SHANK2: variants seen among roughly 807,000 people sequenced by gnomAD.
SHANK2 encodes SH3 and multiple ankyrin repeat domains 2, also known as SH3 and multiple ankyrin repeat domains protein 2.
A neutral mutation model predicts 133.7 loss-of-function variants in SHANK2; 43 were observed. That is an observed-to-expected ratio of 0.32 (90% CI 0.25 to 0.41). SHANK2 has a LOEUF of 0.41. Ranked by LOEUF, SHANK2 falls within the 10% of genes least tolerant of loss-of-function variation. SHANK2 has a pLI of 1.00. For missense variants in SHANK2, 1,994 were observed against 2,235.8 expected (o/e 0.89, Z 2.18); for synonymous variants, 1,017 against 952.8 (o/e 1.07, Z -1.24).
chr11:70,637,334 G>A (rs1555004651), intron 17 of SHANK2, among the ~76,000 whole-genome samples: 1 of 152,144 alleles, frequency 6.6e-6, no homozygotes, highest in East Asian at 1.9e-4. Context: ...GCTGAGTACG[G>A]ACTCAGTGTG....
chr11:71,157,609 G>A (rs7123898), intron 2 of SHANK2, among the ~76,000 whole-genome samples: 42,141 of 152,024 alleles, frequency 0.28, 6,596 homozygotes, highest in African/African-American at 0.41. Flanking sequence ...CTTTCTAATT[G>A]GGCCTCAGTG....
intron 10 of SHANK2, among the ~76,000 whole-genome samples, chr11:70,897,024 C>T (rs1949946172): frequency 6.6e-6 from 1 of 152,178 alleles, no homozygotes; most frequent in Admixed American, 6.5e-5. Context: ...GCATTTAAAA[C>T]TCATCAGATT....
chr11:70,868,292 G>A (rs1555069484), intron 11 of SHANK2, among the ~76,000 whole-genome samples: 1 of 152,160 alleles, frequency 6.6e-6, no homozygotes, highest in Admixed American at 6.5e-5. Context: ...GGTGTGATCT[G>A]CTCTTGGACA....
At chr11:71,078,320 T>C (rs952243923) in intron 8 of SHANK2, among the ~76,000 whole-genome samples, 47 of 152,196 alleles carry the variant, frequency 3.1e-4, no homozygotes, top group Non-Finnish European at 5.6e-4. Flanking sequence ...GTTGTAAATA[T>C]ATGAATAAAT....
At chr11:70,720,852 C>T (rs1198660) in intron 14 of SHANK2, among the ~76,000 whole-genome samples, 53,425 of 152,226 alleles carry the variant, frequency 0.35, 10,034 homozygotes, top group African/African-American at 0.49. Flanking sequence ...TTCACACACA[C>T]GTACATGTAT....
intron 17 of SHANK2, among the ~76,000 whole-genome samples, chr11:70,555,700 T>C (rs2059820385): frequency 6.6e-6 from 1 of 152,200 alleles, no homozygotes; most frequent in African/African-American, 2.4e-5. Context: ...CATTCCAGCC[T>C]GGGTGAAAGA....
intron 14 of SHANK2, among the ~76,000 whole-genome samples, chr11:70,747,296 C>T (rs782771925): frequency 7.2e-5 from 11 of 152,080 alleles, no homozygotes; most frequent in Admixed American, 6.5e-5. Context: ...TTGCCCTGCT[C>T]TCCAGAACTA....
At chr11:70,653,524 C>T (rs1224187094) in intron 17 of SHANK2, among the ~76,000 whole-genome samples, 6 of 149,620 alleles carry the variant, frequency 4.0e-5, no homozygotes, top group African/African-American at 1.5e-4. Flanking sequence ...CTCACTGCAA[C>T]CTCCCGCTCC....
At chr11:71,156,833 C>T (rs782096288) in intron 2 of SHANK2, among the ~76,000 whole-genome samples, 12 of 152,204 alleles carry the variant, frequency 7.9e-5, no homozygotes, top group Non-Finnish European at 1.5e-4. Flanking sequence ...GGCTCATAAA[C>T]AATCTCCCAC....
At chr11:70,478,367 C>A (rs1288151212) in intron 25 of SHANK2, among the ~76,000 whole-genome samples, 9 of 152,158 alleles carry the variant, frequency 5.9e-5, no homozygotes, top group African/African-American at 2.2e-4. Flanking sequence ...TCCCATGAGC[C>A]GCCTGTCAAG....
chr11:70,819,043 C>T (rs782064235), intron 12 of SHANK2, among the ~76,000 whole-genome samples: 2 of 152,230 alleles, frequency 1.3e-5, no homozygotes, highest in Non-Finnish European at 2.9e-5. Flanking sequence ...TGCAAGACTC[C>T]CCGCAGCCAG....
rs782240808 is a variant in SHANK2, at chr11:70,798,504, G to T, written c.1716C>A (p.Ile572=). The T allele has an allele frequency of 7.0e-6, 5 of 718,618 alleles. No individual in the cohort carries two copies. The highest frequency in any genetic ancestry group is 1.3e-5 in the Non-Finnish European group (5 of 385,112). The allele number at this position is 718,618 out of a possible 1,614,324, so 44.5% of individuals were successfully genotyped here. ...GFWEGSARGH[I]GWFPAECVEE... is the part of the protein sequence containing the mutation. The stretch of plus-strand genomic sequence containing the variant: ...CCACGCACTCCGCCGGAAACCATCC[G>T]ATGTGGCCGCGGGCGCTGCCTTCCC... Residue 572 remains isoleucine, a synonymous_variant, in exon 14 of 26, where the codon ATC becomes ATA. Coordinates refer to ENST00000601538, the MANE Select transcript of SHANK2 (RefSeq NM_012309.5).
At chr11:71,211,337 A>G (rs1452245805) in intron 2 of SHANK2, among the ~76,000 whole-genome samples, 2 of 149,934 alleles carry the variant, frequency 1.3e-5, no homozygotes, top group East Asian at 4.0e-4. Context: ...TCAGGTGTTC[A>G]AGACCAGCCC....
intron 11 of SHANK2, among the ~76,000 whole-genome samples, chr11:70,837,994 A>G (rs997802313): frequency 8.6e-5 from 13 of 150,528 alleles, no homozygotes; most frequent in East Asian, 1.9e-4. Context: ...AAAAAAAAAA[A>G]AAAAAAAGAA....
chr11:70,704,600 A>C (rs891753628), intron 14 of SHANK2, among the ~76,000 whole-genome samples: 1 of 151,416 alleles, frequency 6.6e-6, no homozygotes, highest in Non-Finnish European at 1.5e-5. Flanking sequence ...CTGCTGAGAA[A>C]GGTGATCTTG....
chr11:70,813,957 T>G (rs1948331958), intron 12 of SHANK2, among the ~76,000 whole-genome samples: 1 of 152,126 alleles, frequency 6.6e-6, no homozygotes, highest in African/African-American at 2.4e-5. Flanking sequence ...CAATGACTGC[T>G]TCAGGGACGG....
At chr11:70,844,828 C>T (rs1011468263) in intron 11 of SHANK2, among the ~76,000 whole-genome samples, 3 of 152,194 alleles carry the variant, frequency 2.0e-5, no homozygotes, top group Admixed American at 2.0e-4. Flanking sequence ...TGGCCCTGGG[C>T]ACGTGTCTGG....
intron 25 of SHANK2, among the ~76,000 whole-genome samples, chr11:70,484,123 C>T (rs887121041): frequency 6.6e-6 from 1 of 152,204 alleles, no homozygotes; most frequent in South Asian, 2.1e-4. Context: ...AAATGGTGCA[C>T]ACCACAGGGA....
intron 9 of SHANK2, among the ~76,000 whole-genome samples, chr11:71,074,232 C>T (rs900920782): frequency 2.0e-4 from 30 of 152,348 alleles, no homozygotes; most frequent in African/African-American, 7.2e-4. Flanking sequence ...CGTGCCACTG[C>T]AGCGTGTGAG....
Sources: allele counts gnomAD v4.1 joint callset (sites outside exome capture counted in the v4.1 genomes callset), GRCh38; gene constraint gnomAD v4.1.1; transcripts MANE v1.5; gene names NCBI Gene and HGNC (gene_info 2026-07-23, HGNC 2026-07-21).